Variants in PRR16 observed in about 807,000 individuals in gnomAD.
The protein encoded by PRR16 is proline rich 16, also known as protein Largen.
Under a neutral mutation model 18.2 loss-of-function variants are expected in PRR16, and 6 were observed. The ratio of observed to expected loss-of-function variants is 0.33; its 90% CI spans 0.18 to 0.65. The LOEUF is 0.65. Among genes scored for constraint, PRR16 ranks in the 30% least tolerant of loss-of-function variants. PRR16 has a pLI of 0.74. For missense variants in PRR16, 412 were observed against 376.6 expected (o/e 1.09, Z -0.78); for synonymous variants, 151 against 147.8 (o/e 1.02, Z -0.16).
intron 1 of PRR16, among the ~76,000 whole-genome samples, chr5:120,553,177 AGATTCCC>A (rs1310241652): frequency 6.6e-6 from 1 of 151,918 alleles, no homozygotes; most frequent in Non-Finnish European, 1.5e-5. Context: ...AGTATATTGT[AGATTCCC>A]TAAGAACTAA....
chr5:120,537,959 G>T (rs917028029), intron 1 of PRR16, among the ~76,000 whole-genome samples: 3 of 151,342 alleles, frequency 2.0e-5, no homozygotes, highest in Non-Finnish European at 4.4e-5. Flanking sequence ...TGTATTTTTA[G>T]TAGAGACGGG....
chr5:120,757,724 G>A, the PRR16 span, among the ~76,000 whole-genome samples: 1 of 151,978 alleles, frequency 6.6e-6, no homozygotes, highest in African/African-American at 2.4e-5. Context: ...GATGAATTGA[G>A]ATCATAGGTT....
At chr5:120,561,893 A>G (rs1426638021) in intron 1 of PRR16, among the ~76,000 whole-genome samples, 2 of 152,178 alleles carry the variant, frequency 1.3e-5, no homozygotes, top group Non-Finnish European at 2.9e-5. Flanking sequence ...TCCCTAGCCA[A>G]GTGGAACTGT....
chr5:120,500,445 C>T (rs748531657), intron 1 of PRR16, among the ~76,000 whole-genome samples: 9 of 152,058 alleles, frequency 5.9e-5, no homozygotes, highest in African/African-American at 1.7e-4. Flanking sequence ...AAGTTAAAGA[C>T]GAGATTACAT....
At chr5:120,668,988 C>T (rs1756496531) in intron 1 of PRR16, among the ~76,000 whole-genome samples, 1 of 152,106 alleles carries the variant, frequency 6.6e-6, no homozygotes, top group Non-Finnish European at 1.5e-5. Context: ...CCTATGATAG[C>T]TTATTGTTTA....
chr5:120,495,391 G>A (rs2112834340), intron 1 of PRR16, among the ~76,000 whole-genome samples: 1 of 152,130 alleles, frequency 6.6e-6, no homozygotes, highest in East Asian at 1.9e-4. Context: ...ATTTGTTGAT[G>A]CTGAAGTTTC....
At chr5:120,511,616 C>G (rs192719976) in intron 1 of PRR16, among the ~76,000 whole-genome samples, 1 of 152,254 alleles carries the variant, frequency 6.6e-6, no homozygotes, top group Admixed American at 6.5e-5. Flanking sequence ...TAGATTAATT[C>G]AGTATTTAAA....
chr5:120,656,807 T>C (rs1168388756), intron 1 of PRR16, among the ~76,000 whole-genome samples: 1 of 152,038 alleles, frequency 6.6e-6, no homozygotes, highest in East Asian at 1.9e-4. Flanking sequence ...ATTTATTTCA[T>C]TCAACCTACG....
At chr5:120,780,210 T>A in the PRR16 span, among the ~76,000 whole-genome samples, 1 of 152,158 alleles carries the variant, frequency 6.6e-6, no homozygotes, top group African/African-American at 2.4e-5. Flanking sequence ...AGGCACTGTA[T>A]TTAGAGTTCA....
At chr5:120,507,821 G>T (rs1356490335) in intron 1 of PRR16, among the ~76,000 whole-genome samples, 1 of 152,054 alleles carries the variant, frequency 6.6e-6, no homozygotes, top group East Asian at 1.9e-4. Context: ...TCTGATGCAA[G>T]AATCAATGTA....
chr5:120,610,585 C>T (rs1339871957), intron 1 of PRR16, among the ~76,000 whole-genome samples: 1 of 151,960 alleles, frequency 6.6e-6, no homozygotes, highest in African/African-American at 2.4e-5. Context: ...AATAAGAGAT[C>T]ACGAGATCTA....
the PRR16 span, among the ~76,000 whole-genome samples, chr5:120,715,469 A>C: frequency 6.6e-6 from 1 of 152,212 alleles, no homozygotes; most frequent in African/African-American, 2.4e-5. Flanking sequence ...GTGCATTCAA[A>C]AGTCAAACTT....
chr5:120,466,483 T>C (rs1749110777), intron 1 of PRR16, among the ~76,000 whole-genome samples: 2 of 152,234 alleles, frequency 1.3e-5, no homozygotes, highest in Admixed American at 6.5e-5. Context: ...CCTTATGTTT[T>C]AATGTCAGTC....
chr5:120,666,907 G>T (rs1368682870), intron 1 of PRR16, among the ~76,000 whole-genome samples: 1 of 145,748 alleles, frequency 6.9e-6, no homozygotes, highest in Non-Finnish European at 1.5e-5. Context: ...CAAGGATATT[G>T]GTCTAAAATT....
At chr5:120,794,159 AAAAC>A in the PRR16 span, among the ~76,000 whole-genome samples, 1 of 152,170 alleles carries the variant, frequency 6.6e-6, no homozygotes, top group Non-Finnish European at 1.5e-5. Flanking sequence ...TTGCACTGCC[AAAAC>A]AAAGAGATGC....
the PRR16 span, among the ~76,000 whole-genome samples, chr5:120,730,926 TTTAC>T: frequency 1.3e-5 from 2 of 152,156 alleles, no homozygotes; most frequent in Non-Finnish European, 2.9e-5. Context: ...CTCAATTATC[TTTAC>T]TTAGTCTAAA....
intron 1 of PRR16, chr5:120,617,182 T>C (rs1487016647): frequency 1.0e-6 from 1 of 985,208 alleles, no homozygotes; most frequent in Non-Finnish European, 1.2e-6. Context: ...CATCAGGAAA[T>C]GCCCAAGAAG....
chr5:120,593,231 T>C (rs1254089900), intron 1 of PRR16, among the ~76,000 whole-genome samples: 1 of 151,930 alleles, frequency 6.6e-6, no homozygotes, highest in Non-Finnish European at 1.5e-5. Context: ...TAGAATTGAT[T>C]TTTTTGAAAA....
intron 1 of PRR16, among the ~76,000 whole-genome samples, chr5:120,559,236 A>G (rs547380150): frequency 1.1e-3 from 170 of 151,862 alleles, no homozygotes; most frequent in Non-Finnish European, 2.0e-3. Flanking sequence ...GCCAATGTCC[A>G]GGAGAGTTCC....
Sources: gnomAD v4.1 joint callset for allele counts (sites outside exome capture counted in the v4.1 genomes callset) on GRCh38, gnomAD v4.1.1 for gene constraint, MANE v1.5 for transcripts, NCBI Gene and HGNC (gene_info 2026-07-23, HGNC 2026-07-21) for gene names.